ROBO1: variants seen among roughly 807,000 people sequenced by gnomAD.
The protein encoded by ROBO1 is roundabout homolog 1.
A neutral mutation model predicts 195.9 loss-of-function variants in ROBO1; 149 were observed. The observed-to-expected ratio is 0.76, with a 90% CI of 0.67 to 0.87. The LOEUF is 0.87. Ranked by LOEUF, ROBO1 falls within the 40% of genes least tolerant of loss-of-function variation. The pLI is 0.00. For missense variants in ROBO1, 1,933 were observed against 2,068.3 expected (o/e 0.93, Z 1.27); for synonymous variants, 816 against 733.2 (o/e 1.11, Z -1.82).
At chr3:79,187,297 A>C (rs191022701) in intron 2 of ROBO1, among the ~76,000 whole-genome samples, 1 of 151,958 alleles carries the variant, frequency 6.6e-6, no homozygotes, top group Admixed American at 6.6e-5. Context: ...ACCAAATAGG[A>C]GTTTCTACAT....
intron 4 of ROBO1, among the ~76,000 whole-genome samples, chr3:78,926,243 G>A (rs1340169812): frequency 2.0e-5 from 3 of 152,110 alleles, no homozygotes; most frequent in Non-Finnish European, 4.4e-5. Context: ...ATAGATCCTT[G>A]GAAGTCATTT....
chr3:78,763,775 C>A (rs2083161738), intron 4 of ROBO1, among the ~76,000 whole-genome samples: 1 of 152,046 alleles, frequency 6.6e-6, no homozygotes, highest in Non-Finnish European at 1.5e-5. Flanking sequence ...CTTGGCCAAC[C>A]TTCCTCTACC....
chr3:79,229,619 C>T (rs1050990416), intron 2 of ROBO1, among the ~76,000 whole-genome samples: 3 of 151,890 alleles, frequency 2.0e-5, no homozygotes, highest in African/African-American at 4.8e-5. Flanking sequence ...TTATTTATTT[C>T]TTTCTTTTTG....
chr3:79,617,592 A>G (rs1020270277), intron 1 of ROBO1, among the ~76,000 whole-genome samples: 1 of 152,192 alleles, frequency 6.6e-6, no homozygotes, highest in South Asian at 2.1e-4. Context: ...AAATTCAAAC[A>G]TAAGAAGAGA....
chr3:79,473,500 C>T (rs895719667), intron 2 of ROBO1, among the ~76,000 whole-genome samples: 2 of 152,086 alleles, frequency 1.3e-5, no homozygotes, highest in African/African-American at 4.8e-5. Flanking sequence ...GCCTCACCAT[C>T]TCGAAAACTC....
intron 2 of ROBO1, among the ~76,000 whole-genome samples, chr3:79,415,485 G>A (rs1418096649): frequency 6.6e-6 from 1 of 152,038 alleles, no homozygotes. Flanking sequence ...GAAAATGGGT[G>A]TAGTCAGACA....
intron 10 of ROBO1, among the ~76,000 whole-genome samples, chr3:78,684,519 A>T (rs1011438831): frequency 6.6e-6 from 1 of 152,118 alleles, no homozygotes; most frequent in Non-Finnish European, 1.5e-5. Context: ...TGCGTATTAT[A>T]CTTCAGTTTA....
At chr3:78,851,942 AAT>A (rs1169269212) in intron 4 of ROBO1, among the ~76,000 whole-genome samples, 2 of 152,106 alleles carry the variant, frequency 1.3e-5, no homozygotes, top group East Asian at 3.8e-4. Context: ...TTTTTAGGAT[AAT>A]ATATTAAACA....
intron 2 of ROBO1, among the ~76,000 whole-genome samples, chr3:79,435,105 C>T (rs2038838557): frequency 6.6e-6 from 1 of 152,032 alleles, no homozygotes; most frequent in Admixed American, 6.6e-5. Flanking sequence ...GGAAATATAC[C>T]TAATATAAAT....
intron 1 of ROBO1, among the ~76,000 whole-genome samples, chr3:79,617,441 C>G (rs1332832188): frequency 1.3e-5 from 2 of 152,030 alleles, no homozygotes; most frequent in Admixed American, 1.3e-4. Context: ...TTTCAAAAAA[C>G]CATACACAGA....
chr3:78,939,389 CG>C (rs2040001339), intron 3 of ROBO1, among the ~76,000 whole-genome samples: 1 of 150,340 alleles, frequency 6.7e-6, no homozygotes, highest in Non-Finnish European at 1.5e-5. Flanking sequence ...CCGAGGCGGG[CG>C]GATCACGAGG....
At chr3:79,233,835 G>A (rs894614220) in intron 2 of ROBO1, among the ~76,000 whole-genome samples, 3 of 152,024 alleles carry the variant, frequency 2.0e-5, no homozygotes, top group African/African-American at 4.8e-5. Context: ...TTTCTCTGCA[G>A]CCTCAACAGC....
intron 8 of ROBO1, among the ~76,000 whole-genome samples, chr3:78,700,620 C>A (rs185098835): frequency 8.6e-4 from 131 of 152,274 alleles, no homozygotes; most frequent in African/African-American, 3.0e-3. Flanking sequence ...ATATTAGGAA[C>A]CCCTTCAGCA....
intron 4 of ROBO1, among the ~76,000 whole-genome samples, chr3:78,863,836 AATC>A (rs2107036735): frequency 6.6e-6 from 1 of 152,302 alleles, no homozygotes; most frequent in East Asian, 1.9e-4. Context: ...CCACCGTCAA[AATC>A]ATTTTTGGTG....
At chr3:79,331,462 T>C (rs559893780) in intron 2 of ROBO1, among the ~76,000 whole-genome samples, 4 of 152,318 alleles carry the variant, frequency 2.6e-5, no homozygotes, top group African/African-American at 9.6e-5. Flanking sequence ...TATAAAAGAC[T>C]TCTGATTGTG....
intron 4 of ROBO1, among the ~76,000 whole-genome samples, chr3:78,781,363 C>A (rs2083672476): frequency 6.6e-6 from 1 of 152,134 alleles, no homozygotes. Flanking sequence ...ACATTTAATT[C>A]TATCTAGGTA....
chr3:78,936,037 C>T (rs892279924), intron 4 of ROBO1, among the ~76,000 whole-genome samples: 29 of 151,866 alleles, frequency 1.9e-4, no homozygotes, highest in Non-Finnish European at 3.5e-4. Context: ...TGAGGTCTAC[C>T]CTTGTTATAA....
chr3:78,912,963 A>T (rs1559992252), intron 4 of ROBO1, among the ~76,000 whole-genome samples: 1 of 152,148 alleles, frequency 6.6e-6, no homozygotes, highest in African/African-American at 2.4e-5. Flanking sequence ...CAAAACAATT[A>T]TATTGTTGAA....
chr3:79,753,940 C>T (rs1704252506), intron 1 of ROBO1, among the ~76,000 whole-genome samples: 1 of 152,146 alleles, frequency 6.6e-6, no homozygotes, highest in Non-Finnish European at 1.5e-5. Context: ...CAGATTAGAG[C>T]TGTCCAAATC....
Sources: allele counts gnomAD v4.1 joint callset (sites outside exome capture counted in the v4.1 genomes callset), GRCh38; gene constraint gnomAD v4.1.1; transcripts MANE v1.5; gene names NCBI Gene and HGNC (gene_info 2026-07-23, HGNC 2026-07-21).